Variants in THSD4 observed in about 807,000 individuals in gnomAD.
The protein encoded by THSD4 is thrombospondin type-1 domain-containing protein 4.
THSD4 carries 69 observed loss-of-function variants against 119.0 expected under a neutral mutation model. That is an observed-to-expected ratio of 0.58 (90% CI 0.48 to 0.71). The LOEUF (loss-of-function observed/expected upper bound fraction) is 0.71. THSD4 is among the 30% of genes least tolerant of loss of function. The pLI, the probability that THSD4 is intolerant of heterozygous loss-of-function variation, is 0.00. For synonymous variants in THSD4, 524 were observed against 540.4 expected (o/e 0.97, Z 0.42); for missense variants, 1,393 against 1,391.1 (o/e 1.00, Z -0.02).
intron 7 of THSD4, among the ~76,000 whole-genome samples, chr15:71,465,507 C>T (rs1017900900): frequency 1.3e-5 from 2 of 152,140 alleles, no homozygotes; most frequent in Non-Finnish European, 2.9e-5. Context: ...TTATTTTCTC[C>T]CTGGCCTCCC....
rs180781770 is a variant in THSD4 at position 71,676,290 on chromosome 15, A to G, written c.1357+15556A>G. ...GCTATCACCACGATCCATTTTCAGA[A>G]TTTTTTTTTGAGACGGAGTCTCGCT... On this transcript the variant is annotated intron_variant, in intron 8 of 17. Transcript: ENST00000261862. Among the ~76,000 whole-genome samples, 301 of 151,706 alleles carry G rather than the reference A, an allele frequency of 2.0e-3. 1 individual carries two copies. Among genetic ancestry groups the G allele is most frequent in the African/African-American group, 7.0e-3 (288 of 41,400 alleles).
intron 6 of THSD4, among the ~76,000 whole-genome samples, chr15:71,356,777 C>G (rs1318840182): frequency 6.6e-6 from 1 of 152,082 alleles, no homozygotes; most frequent in Non-Finnish European, 1.5e-5. Context: ...AGATGGGGGT[C>G]TTTCATAGCT....
At chr15:71,600,783 C>T (rs144397315) in intron 7 of THSD4, among the ~76,000 whole-genome samples, 78 of 151,028 alleles carry the variant, frequency 5.2e-4, no homozygotes, top group African/African-American at 1.9e-3. Context: ...GCTCTGTCGC[C>T]TAGGCTGGAC....
intron 13 of THSD4, among the ~76,000 whole-genome samples, chr15:71,747,626 T>C (rs988275508): frequency 6.6e-6 from 1 of 152,096 alleles, no homozygotes; most frequent in African/African-American, 2.4e-5. Context: ...AGCACAGAGG[T>C]TGCAATCACT....
rs776554538 is a variant in THSD4 at position 71,765,145 on chromosome 15, A to G, written c.2715A>G (p.Gln905=). Residue 905 remains glutamine, a synonymous_variant, in exon 16 of 18, where the codon CAA becomes CAG. Transcript: ENST00000261862. ...CSFLEKPPSQ[Q]SCHLKPCGAK... The stretch of plus-strand genomic sequence containing the variant: ...TCCTGGAGAAACCCCCCAGCCAGCA[A>G]TCCTGCCACCTCAAGCCTTGCGGAG... The G allele has an allele frequency of 5.6e-6, 9 of 1,614,184 alleles. No homozygotes were observed. Among genetic ancestry groups the G allele is most frequent in the South Asian group, 1.1e-5 (1 of 91,084 alleles).
At chr15:71,609,054 G>A (rs892939074) in intron 7 of THSD4, among the ~76,000 whole-genome samples, 14 of 152,130 alleles carry the variant, frequency 9.2e-5, no homozygotes, top group Non-Finnish European at 2.9e-5. Flanking sequence ...GCTCTTCTTA[G>A]TGCTGGCTTA....
chr15:71,577,904 G>C (rs1430429500), intron 7 of THSD4, among the ~76,000 whole-genome samples: 9 of 150,464 alleles, frequency 6.0e-5, no homozygotes, highest in Admixed American at 5.3e-4. Flanking sequence ...TGCGGTTTTA[G>C]TAGAGGTGGG....
At chr15:71,500,214 T>G (rs112477526) in intron 7 of THSD4, among the ~76,000 whole-genome samples, 2,110 of 152,300 alleles carry the variant, frequency 0.014, 17 homozygotes, top group Middle Eastern at 0.051. Context: ...TGGTTTTGAT[T>G]TGTATTTCCT....
intron 7 of THSD4, among the ~76,000 whole-genome samples, chr15:71,447,800 T>C (rs1258338590): frequency 3.9e-5 from 6 of 152,174 alleles, no homozygotes. Context: ...CTAATAAACA[T>C]GCACTTACAA....
At chr15:71,774,209 G>T (rs570514545) in intron 17 of THSD4, among the ~76,000 whole-genome samples, 1 of 151,724 alleles carries the variant, frequency 6.6e-6, no homozygotes, top group Non-Finnish European at 1.5e-5. Flanking sequence ...TACTTGGAAG[G>T]CTGAGGTGGG....
At chr15:71,580,594 T>C (rs1017339903) in intron 7 of THSD4, among the ~76,000 whole-genome samples, 2 of 152,300 alleles carry the variant, frequency 1.3e-5, no homozygotes, top group African/African-American at 4.8e-5. Context: ...TTATCTTGTG[T>C]AACTGAAACT....
At chr15:71,380,845 A>G (rs1264623331) in intron 6 of THSD4, among the ~76,000 whole-genome samples, 2 of 152,018 alleles carry the variant, frequency 1.3e-5, no homozygotes, top group African/African-American at 4.8e-5. Context: ...CTCCAAACCA[A>G]CTGTTAGCTG....
At chr15:71,499,470 T>C (rs1031722574) in intron 7 of THSD4, among the ~76,000 whole-genome samples, 5 of 149,704 alleles carry the variant, frequency 3.3e-5, no homozygotes, top group African/African-American at 1.3e-4. Context: ...ATCTTAGGTG[T>C]TTGGCACAAT....
chr15:71,414,846 C>T (rs1398640590), intron 7 of THSD4, among the ~76,000 whole-genome samples: 2 of 152,202 alleles, frequency 1.3e-5, no homozygotes, highest in Non-Finnish European at 2.9e-5. Flanking sequence ...ACTAGGACTA[C>T]TGGATACTAC....
chr15:71,363,903 C>T (rs2045925032), intron 6 of THSD4, among the ~76,000 whole-genome samples: 1 of 152,154 alleles, frequency 6.6e-6, no homozygotes. Context: ...AGAAAGGGTT[C>T]CTTGAACAAT....
At chr15:71,429,649 C>T (rs2046916497) in intron 7 of THSD4, among the ~76,000 whole-genome samples, 1 of 152,140 alleles carries the variant, frequency 6.6e-6, no homozygotes, top group Non-Finnish European at 1.5e-5. Context: ...CATGAGGTTG[C>T]TTCTTTAGCA....
chr15:71,524,499 G>A (rs1409659225), intron 7 of THSD4, among the ~76,000 whole-genome samples: 1 of 151,580 alleles, frequency 6.6e-6, no homozygotes, highest in East Asian at 1.9e-4. Context: ...GGCTGCGCAG[G>A]AAAGAGTGCT....
chr15:71,671,073 A>G (rs554914334), intron 8 of THSD4, among the ~76,000 whole-genome samples: 2 of 152,334 alleles, frequency 1.3e-5, no homozygotes, highest in East Asian at 1.9e-4. Flanking sequence ...GTCTTCCACA[A>G]TGGTTGAACT....
chr15:71,402,316 C>A (rs2046547605), intron 6 of THSD4, among the ~76,000 whole-genome samples: 1 of 151,976 alleles, frequency 6.6e-6, no homozygotes, highest in South Asian at 2.1e-4. Flanking sequence ...CATCCTGCAC[C>A]CTCTCAATAT....
Sources: gnomAD v4.1 joint callset for allele counts (sites outside exome capture counted in the v4.1 genomes callset) on GRCh38, gnomAD v4.1.1 for gene constraint, MANE v1.5 for transcripts, NCBI Gene and HGNC (gene_info 2026-07-23, HGNC 2026-07-21) for gene names.